The following RPA1 variants were observed in gnomAD, a reference collection of about 807,000 sequenced individuals.
The protein encoded by RPA1 is replication protein A1.
RPA1 carries 49 observed loss-of-function variants against 83.0 expected under a neutral mutation model. The observed-to-expected ratio is 0.59, with a 90% CI of 0.47 to 0.75. The LOEUF (loss-of-function observed/expected upper bound fraction) is 0.75, where lower values mean the gene tolerates loss of function less well. RPA1 is among the 30% of genes least tolerant of loss of function. The pLI is 0.00. For synonymous variants in RPA1, 279 were observed against 281.8 expected, an observed-to-expected ratio of 0.99 and a Z score of 0.10; for missense variants, 693 against 776.1, an observed-to-expected ratio of 0.89 and a Z score of 1.27.
At chr17:1,897,027 C>T (rs371255449) in intron 16 of RPA1, 44 bp from the exon 17 acceptor site, 1 of 1,510,746 alleles carries the variant, frequency 6.6e-7, no homozygotes, top group Non-Finnish European at 9.0e-7. Context: ...CACTGCTCCA[C>T]ACCACACTTT....
chr17:1,889,258 C>T (rs1335616846), intron 14 of RPA1, among the ~76,000 whole-genome samples: 2 of 151,744 alleles, frequency 1.3e-5, no homozygotes, highest in Admixed American at 6.6e-5. Flanking sequence ...GAGATTGTTG[C>T]TTTTTTGCAT....
intron 6 of RPA1, 149 bp downstream of exon 6, chr17:1,872,675 G>T: frequency 1.1e-6 from 1 of 938,884 alleles, no homozygotes; most frequent in Non-Finnish European, 1.5e-6. Flanking sequence ...TCATATTTTA[G>T]AGTATGTGAT....
At chr17:1,866,756 C>T (rs372102635) in intron 5 of RPA1, among the ~76,000 whole-genome samples, 46 of 152,378 alleles carry the variant, frequency 3.0e-4, no homozygotes, top group African/African-American at 7.2e-4. Context: ...CCGCTGTGCC[C>T]GGCCACCGTT....
chr17:1,875,714 GGTCCCAGCCT>G lies in RPA1; in HGVS notation c.512_521del (p.Pro171HisfsTer51). ...TTCAAAGACATTTGGAAAAGCTGCAGGTCCCAGCCTGTCACACACTTCTGGGGGAACACAG... is the reference window on the plus strand; with the variant it reads ...TTCAAAGACATTTGGAAAAGCTGCAGGTCACACACTTCTGGGGGAACACAG... On this transcript the variant is annotated frameshift_variant, in exon 7 of 17. Transcript: ENST00000254719. LOFTEE classifies it high-confidence loss of function. 1 of 1,614,194 alleles carries G rather than the reference GGTCCCAGCCT, an allele frequency of 6.2e-7. No homozygotes were observed. Among genetic ancestry groups the G allele is most frequent in the Non-Finnish European group, 8.5e-7 (1 of 1,180,034 alleles).
chr17:1,892,526 G>A (rs1368992842), intron 15 of RPA1, among the ~76,000 whole-genome samples: 1 of 152,206 alleles, frequency 6.6e-6, no homozygotes, highest in Non-Finnish European at 1.5e-5. Flanking sequence ...GTTCCTATTA[G>A]CACATCAGAG....
At chr17:1,845,670 C>T (rs1912227864) in intron 4 of RPA1, among the ~76,000 whole-genome samples, 1 of 152,180 alleles carries the variant, frequency 6.6e-6, no homozygotes, top group Admixed American at 6.5e-5. Context: ...GTGGCTCACA[C>T]CTGTCATGCC....
intron 1 of RPA1, among the ~76,000 whole-genome samples, chr17:1,834,661 C>G (rs781563285): frequency 6.6e-6 from 1 of 152,042 alleles, no homozygotes; most frequent in Non-Finnish European, 1.5e-5. Flanking sequence ...AATTATATAA[C>G]GAAAGGGGAA....
At chr17:1,833,181 T>G (rs996379269) in intron 1 of RPA1, among the ~76,000 whole-genome samples, 2 of 152,214 alleles carry the variant, frequency 1.3e-5, no homozygotes, top group Non-Finnish European at 2.9e-5. Context: ...CACCTTGGCC[T>G]CCCAGTATGC....
At chr17:1,896,940 G>C in intron 16 of RPA1, 131 bp from the exon 17 acceptor site, 2 of 741,642 alleles carry the variant, frequency 2.7e-6, no homozygotes, top group Non-Finnish European at 2.4e-6. Flanking sequence ...GTCACTCACT[G>C]GAATGACTGA....
At chr17:1,896,442 C>T (rs985053270) in intron 16 of RPA1, among the ~76,000 whole-genome samples, 2 of 151,230 alleles carry the variant, frequency 1.3e-5, no homozygotes, top group South Asian at 2.1e-4. Flanking sequence ...ACGTATTTAC[C>T]TTAACGCCCG....
At position 1,897,344 on chromosome 17, in the gene RPA1, G is replaced by A; in HGVS notation, c.*169G>A. The A allele has an allele frequency of 1.7e-6, 1 of 586,362 alleles. No individual in the cohort carries two copies. The highest frequency in any genetic ancestry group is 3.0e-6 in the Non-Finnish European group (1 of 332,464). 36.3% of individuals were successfully genotyped at this position (586,362 alleles called of 1,614,324 possible). A position where few individuals can be genotyped will look rare whatever the true frequency, so the allele number is the denominator to read the frequency against. On this transcript the variant is annotated 3_prime_UTR_variant, in exon 17 of 17. Coordinates refer to ENST00000254719, the MANE Select transcript of RPA1 (RefSeq NM_002945.5). ...TCTCAGAACCCATCGGTAGGCAAAGGAAAATACGCTCAGGTGGTTGTGGTG... is the reference window on the plus strand; with the variant it reads ...TCTCAGAACCCATCGGTAGGCAAAGAAAAATACGCTCAGGTGGTTGTGGTG...
rs76078874 is a variant in RPA1, at chr17:1,837,648, C to T, written c.34-5155C>T. Among the ~76,000 whole-genome samples, 476 of 152,216 alleles carry T rather than the reference C, an allele frequency of 3.1e-3. 4 individuals are homozygous for T. The highest frequency in any genetic ancestry group is 0.012 in the Admixed American group (180 of 15,286). On this transcript the variant is annotated intron_variant, in intron 1 of 16. Coordinates refer to ENST00000254719, the MANE Select transcript of RPA1 (RefSeq NM_002945.5). ...GAATGTGTAATGGTATCTCACTGTG[C>T]TTTTATTTGTATTTCTCTGGTGGCT...
rs1001650970 is a variant in RPA1 at position 1,888,773 on chromosome 17, T to A, written c.1473T>A (p.Ile491=). 3 of 1,614,084 alleles carry A rather than the reference T, an allele frequency of 1.9e-6. No homozygotes were observed. Among genetic ancestry groups the A allele is most frequent in the Non-Finnish European group, 2.5e-6 (3 of 1,180,042 alleles). Residue 491 remains isoleucine, a synonymous_variant, in exon 14 of 17, where the codon ATT becomes ATA. Coordinates refer to ENST00000254719, the MANE Select transcript of RPA1 (RefSeq NM_002945.5). The part of the protein sequence containing the change: ...CPTQDCNKKV[I]DQQNGLYRCE... ...CTCAGGACTGCAATAAGAAAGTGAT[T>A]GATCAACAGAATGGATTGTACCGCT...
At chr17:1,885,631 G>A (rs1567825693) in intron 13 of RPA1, among the ~76,000 whole-genome samples, 2 of 152,132 alleles carry the variant, frequency 1.3e-5, no homozygotes, top group East Asian at 1.9e-4. Flanking sequence ...TAGAGACTGA[G>A]TTGTGTCATG....
intron 1 of RPA1, among the ~76,000 whole-genome samples, chr17:1,836,523 C>G (rs568986729): frequency 1.3e-5 from 2 of 152,308 alleles, no homozygotes; most frequent in East Asian, 3.9e-4. Context: ...CACAACTCCT[C>G]TTGCTCCTTC....
intron 12 of RPA1, among the ~76,000 whole-genome samples, chr17:1,883,081 G>T (rs1171366075): frequency 1.3e-5 from 2 of 152,192 alleles, no homozygotes; most frequent in Admixed American, 1.3e-4. Context: ...AGCACTTTGG[G>T]AGGCCGAGGG....
chr17:1,842,297 A>G (rs1171519252), intron 1 of RPA1, among the ~76,000 whole-genome samples: 5 of 152,194 alleles, frequency 3.3e-5, no homozygotes, highest in Non-Finnish European at 7.3e-5. Flanking sequence ...GGATTCACCA[A>G]TAAAGCCATC....
chr17:1,884,024 C>A lies in RPA1; in HGVS notation c.1374+80C>A. On this transcript the variant is annotated intron_variant, in intron 13 of 16. Transcript: ENST00000254719. This position sits in a 1 kb window ranked among gnomAD's most constrained non-coding sequence, Gnocchi z 4.1. ...GGATTTAGAAACTTGGTTTCCAGCA[C>A]CAGCTGTCAGAGCCGTAATTCTTAC... 6.3e-7 allele frequency: 1 copy of A among 1,577,470 alleles called. No individual in the cohort carries two copies. The highest frequency in any genetic ancestry group is 8.6e-7 in the Non-Finnish European group (1 of 1,156,334).
chr17:1,841,304 CT>C (rs1462900151), intron 1 of RPA1, among the ~76,000 whole-genome samples: 10 of 152,006 alleles, frequency 6.6e-5, no homozygotes, highest in Admixed American at 6.6e-4. Flanking sequence ...CCTTTTTAAT[CT>C]TTTTATTTTT....
Sources: gnomAD v4.1 joint callset for allele counts (sites outside exome capture counted in the v4.1 genomes callset) on GRCh38, gnomAD v4.1.1 for gene constraint, Gnocchi (gnomAD v3.1) non-coding constraint, MANE v1.5 for transcripts, NCBI Gene and HGNC (gene_info 2026-07-23, HGNC 2026-07-21) for gene names.